DACH2: variants seen among roughly 807,000 people sequenced by gnomAD.
DACH2 encodes dachshund homolog 2.
In DACH2, 17 loss-of-function variants were observed where a neutral mutation model predicts 35.8. The observed-to-expected ratio is 0.48, with a 90% CI of 0.33 to 0.71. The LOEUF (loss-of-function observed/expected upper bound fraction) is 0.71. Ranked by LOEUF, DACH2 falls within the 30% of genes least tolerant of loss-of-function variation. DACH2 has a pLI of 0.02. For synonymous variants in DACH2, 195 were observed against 177.3 expected, an observed-to-expected ratio of 1.10 and a Z score of -0.79; for missense variants, 469 against 472.7, an observed-to-expected ratio of 0.99 and a Z score of 0.07.
intron 3 of DACH2, among the ~76,000 whole-genome samples, chrX:86,580,281 A>G (rs2039486085): frequency 8.9e-6 from 1 of 112,051 alleles, no homozygotes; most frequent in Non-Finnish European, 1.9e-5. Context: ...CACAGAAATG[A>G]GAGAGAACCA....
chrX:86,570,909 C>T (rs1250953362), intron 3 of DACH2, among the ~76,000 whole-genome samples: 1 of 110,660 alleles, frequency 9.0e-6, no homozygotes, highest in Admixed American at 9.7e-5. Context: ...TTTTCCTTTT[C>T]CTGTGTTTTT....
At chrX:86,290,514 T>A (rs2034260758) in intron 1 of DACH2, among the ~76,000 whole-genome samples, 1 of 99,137 alleles carries the variant, frequency 1.0e-5, no homozygotes, top group Non-Finnish European at 2.0e-5. Flanking sequence ...ATGTCCTGAA[T>A]GGTAATGCCT....
At chrX:86,492,923 A>G (rs1321410685) in intron 2 of DACH2, among the ~76,000 whole-genome samples, 1 of 111,506 alleles carries the variant, frequency 9.0e-6, no homozygotes, top group Non-Finnish European at 1.9e-5. Context: ...ATATGAGTGT[A>G]TATGTATTTT....
chrX:86,611,910 T>C lies in DACH2; in HGVS notation c.641-39126T>C, dbSNP rs972858754. ...TGAATTCTCACCTTATTTTTGGTTC[T>C]TATTAATGTGCTTCTTTTGTGAAGA... On this transcript the variant is annotated intron_variant, in intron 3 of 11. Transcript: ENST00000373125. 3.6e-5 allele frequency among the ~76,000 whole-genome samples: 4 copies of C among 110,469 alleles called. No individual in the cohort carries two copies. The East Asian group carries it at 8.7e-4, about 24-fold the overall frequency.
intron 3 of DACH2, among the ~76,000 whole-genome samples, chrX:86,608,734 TG>T (rs933864874): frequency 9.0e-5 from 10 of 111,369 alleles, no homozygotes; most frequent in Admixed American, 3.8e-4. Flanking sequence ...AGGGAAGAAG[TG>T]GGGTTTTTTG....
At chrX:86,555,594 A>G (rs779968968) in intron 3 of DACH2, among the ~76,000 whole-genome samples, 5 of 111,602 alleles carry the variant, frequency 4.5e-5, no homozygotes, top group Admixed American at 1.9e-4. Context: ...TTTTAAGCAA[A>G]TATTTTTTAA....
At chrX:86,582,027 G>GTA (rs1178456259) in intron 3 of DACH2, among the ~76,000 whole-genome samples, 1 of 111,383 alleles carries the variant, frequency 9.0e-6, no homozygotes, top group African/African-American at 3.3e-5. Flanking sequence ...AAAGACAACA[G>GTA]TATAATAAAA....
At chrX:86,174,149 G>A (rs2031225821) in intron 1 of DACH2, among the ~76,000 whole-genome samples, 1 of 97,917 alleles carries the variant, frequency 1.0e-5, no homozygotes, top group Non-Finnish European at 2.0e-5. Flanking sequence ...TTGAGACAGG[G>A]TCTTGCTCTG....
At chrX:86,551,811 A>C (rs2039053355) in intron 3 of DACH2, among the ~76,000 whole-genome samples, 1 of 111,913 alleles carries the variant, frequency 8.9e-6, no homozygotes. Flanking sequence ...AGCAGTTAGT[A>C]GAAACTTTGA....
intron 2 of DACH2, among the ~76,000 whole-genome samples, chrX:86,441,849 CTA>C (rs1240445707): frequency 2.6e-4 from 25 of 95,695 alleles, no homozygotes; most frequent in African/African-American, 2.0e-4. Context: ...ATATATTATA[CTA>C]TATATGTGTG....
intron 4 of DACH2, among the ~76,000 whole-genome samples, chrX:86,669,467 T>G (rs1180357413): frequency 1.8e-5 from 2 of 111,461 alleles, no homozygotes; most frequent in African/African-American, 6.5e-5. Context: ...GCAATTTAGT[T>G]CACAAAGCAG....
chrX:86,190,665 C>T (rs1391232286), intron 1 of DACH2, among the ~76,000 whole-genome samples: 1 of 112,152 alleles, frequency 8.9e-6, no homozygotes, highest in Non-Finnish European at 1.9e-5. Flanking sequence ...AAGTAAAAGG[C>T]CAGGCGCGGT....
chrX:86,464,738 T>C (rs1297943336), intron 2 of DACH2, among the ~76,000 whole-genome samples: 1 of 111,125 alleles, frequency 9.0e-6, no homozygotes, highest in African/African-American at 3.3e-5. Context: ...GAAAAATATC[T>C]GAGGTAATAG....
intron 7 of DACH2, among the ~76,000 whole-genome samples, chrX:86,775,492 C>T (rs1243246117): frequency 2.7e-5 from 3 of 111,637 alleles, no homozygotes; most frequent in Admixed American, 9.5e-5. Context: ...TAACTAATGC[C>T]TGATGATCTG....
At chrX:86,253,146 A>G (rs1186061995) in intron 1 of DACH2, among the ~76,000 whole-genome samples, 1 of 111,042 alleles carries the variant, frequency 9.0e-6, no homozygotes, top group Non-Finnish European at 1.9e-5. Flanking sequence ...AATCAGATCA[A>G]TAACTCAACC....
chrX:86,548,583 A>G (rs1193763157), intron 3 of DACH2, among the ~76,000 whole-genome samples: 1 of 111,966 alleles, frequency 8.9e-6, no homozygotes, highest in African/African-American at 3.2e-5. Flanking sequence ...AGTCATTGTT[A>G]TCATTGTCAT....
intron 3 of DACH2, among the ~76,000 whole-genome samples, chrX:86,525,430 A>C: frequency 9.0e-6 from 1 of 111,615 alleles, no homozygotes; most frequent in East Asian, 2.8e-4. Context: ...TAGTATAAAA[A>C]TGGTTGATGA....
chrX:86,366,533 T>A (rs769091948), intron 1 of DACH2, among the ~76,000 whole-genome samples: 1 of 111,654 alleles, frequency 9.0e-6, no homozygotes, highest in South Asian at 3.8e-4. Flanking sequence ...CCTAAATAGC[T>A]ACATGACTTA....
At chrX:86,190,522 C>G (rs1415726656) in intron 1 of DACH2, among the ~76,000 whole-genome samples, 1 of 112,263 alleles carries the variant, frequency 8.9e-6, no homozygotes, top group Non-Finnish European at 1.9e-5. Flanking sequence ...CATGAACAGA[C>G]ACTTTTCAAA....
Sources: allele counts gnomAD v4.1 joint callset (sites outside exome capture counted in the v4.1 genomes callset), GRCh38; gene constraint gnomAD v4.1.1; transcripts MANE v1.5; gene names NCBI Gene and HGNC (gene_info 2026-07-23, HGNC 2026-07-21).